Variants in SBF2 observed in about 807,000 individuals in gnomAD.
SBF2 encodes myotubularin-related protein 13.
A neutral mutation model predicts 225.2 loss-of-function variants in SBF2; 112 were observed. The observed-to-expected ratio is 0.50, with a 90% CI of 0.43 to 0.58. SBF2 has a LOEUF of 0.58. Ranked by LOEUF, SBF2 falls within the 20% of genes least tolerant of loss-of-function variation. The pLI is 0.00. For missense variants in SBF2, 1,996 were observed against 2,206.2 expected (o/e 0.90, Z 1.91); for synonymous variants, 763 against 773.3 (o/e 0.99, Z 0.22).
chr11:9,931,488 G>C (rs762992072), intron 16 of SBF2, among the ~76,000 whole-genome samples: 9 of 152,134 alleles, frequency 5.9e-5, no homozygotes, highest in Non-Finnish European at 1.3e-4. Context: ...AGGCAAACAG[G>C]GTCTGGAGTG....
chr11:10,120,463 T>C (rs149284644), intron 2 of SBF2, among the ~76,000 whole-genome samples: 351 of 152,316 alleles, frequency 2.3e-3, no homozygotes, highest in African/African-American at 7.5e-3. Flanking sequence ...TGTTGAATCA[T>C]TCAGTAAATA....
chr11:10,221,121 C>CT (rs58196333), intron 1 of SBF2, among the ~76,000 whole-genome samples: 2,479 of 138,636 alleles, frequency 0.018, 29 homozygotes, highest in African/African-American at 0.023. Flanking sequence ...CTGTTACTTC[C>CT]TTTTTTTTTT....
chr11:10,232,434 C>T (rs919252315), intron 1 of SBF2, among the ~76,000 whole-genome samples: 7 of 152,148 alleles, frequency 4.6e-5, no homozygotes, highest in South Asian at 2.1e-4. Context: ...TGTTCCTATT[C>T]GGCCATCTTG....
At chr11:10,145,639 C>G (rs1189077622) in intron 2 of SBF2, among the ~76,000 whole-genome samples, 1 of 152,160 alleles carries the variant, frequency 6.6e-6, no homozygotes, top group African/African-American at 2.4e-5. Flanking sequence ...ATTATCATCA[C>G]AGGACTTAAT....
Position 9,844,973 on chromosome 11 carries a change from CAT to C in SBF2, c.3110+590_3110+591del, listed in dbSNP as rs555204197. Among the ~76,000 whole-genome samples the C allele has an allele frequency of 4.6e-5, 7 of 151,960 alleles. No homozygotes were observed. The East Asian group carries it at 1.4e-3, about 29-fold the overall frequency. On this transcript the variant is annotated intron_variant, in intron 24 of 39. Coordinates refer to ENST00000256190, the MANE Select transcript of SBF2 (RefSeq NM_030962.4). ...AGATAATGTCTTTGTTCTTAGGAAA[CAT>C]ATTGTGATGTACTTAAGGATAAAGG...
chr11:9,846,778 G>A (rs555271778), intron 23 of SBF2, among the ~76,000 whole-genome samples, 178 bp downstream of exon 23: 83 of 152,218 alleles, frequency 5.5e-4, no homozygotes, highest in African/African-American at 1.9e-3. Flanking sequence ...GGGCTCCAGG[G>A]ATTAAATCCA....
At chr11:9,971,635 C>T (rs1867338129) in intron 13 of SBF2, among the ~76,000 whole-genome samples, 2 of 152,094 alleles carry the variant, frequency 1.3e-5, no homozygotes, top group African/African-American at 2.4e-5. Context: ...GCTGTGATTG[C>T]ACCACCACAC....
intron 28 of SBF2, among the ~76,000 whole-genome samples, chr11:9,823,221 C>T (rs143001388): frequency 6.6e-5 from 10 of 152,222 alleles, no homozygotes; most frequent in Non-Finnish European, 1.0e-4. Context: ...ACAATGTGAT[C>T]TATTCACTTC....
intron 1 of SBF2, among the ~76,000 whole-genome samples, chr11:10,225,878 C>A (rs945943523): frequency 2.0e-5 from 3 of 152,046 alleles, no homozygotes; most frequent in African/African-American, 2.4e-5. Context: ...CACTCATATA[C>A]CCCACAGTTT....
chr11:10,248,818 G>A (rs555514010), intron 1 of SBF2, among the ~76,000 whole-genome samples: 83 of 152,300 alleles, frequency 5.4e-4, no homozygotes, highest in Non-Finnish European at 8.8e-4. Flanking sequence ...ATTCTAGGCC[G>A]GGCGCGGAGG....
chr11:9,872,674 A>T (rs1323958607), intron 17 of SBF2, among the ~76,000 whole-genome samples: 1 of 151,606 alleles, frequency 6.6e-6, no homozygotes, highest in Non-Finnish European at 1.5e-5. Context: ...AGGAACTGGA[A>T]CTCTCATACA....
intron 2 of SBF2, among the ~76,000 whole-genome samples, chr11:10,132,645 G>A (rs1005387809): frequency 6.7e-6 from 1 of 149,076 alleles, no homozygotes; most frequent in African/African-American, 2.5e-5. Flanking sequence ...TAAAAGCAGT[G>A]TGGACCCAAA....
chr11:9,794,368 G>T (rs976576908), intron 33 of SBF2, among the ~76,000 whole-genome samples: 3 of 152,026 alleles, frequency 2.0e-5, no homozygotes, highest in Admixed American at 2.0e-4. Context: ...TGTAGGTACA[G>T]GTCAGTCCAC....
chr11:10,077,722 G>A (rs571800312), intron 2 of SBF2, among the ~76,000 whole-genome samples: 4 of 152,268 alleles, frequency 2.6e-5, no homozygotes, highest in South Asian at 4.1e-4. Context: ...TAGCACATAG[G>A]CATGGGCAAA....
chr11:10,161,904 G>C (rs899246114), intron 2 of SBF2, among the ~76,000 whole-genome samples: 1 of 152,114 alleles, frequency 6.6e-6, no homozygotes, highest in Admixed American at 6.5e-5. Flanking sequence ...AAGAGTGCTT[G>C]AGCCCAAAAG....
chr11:9,835,944 CAT>C (rs1020159958), intron 26 of SBF2, among the ~76,000 whole-genome samples: 2 of 151,900 alleles, frequency 1.3e-5, no homozygotes, highest in Non-Finnish European at 2.9e-5. Context: ...TTTGGGAGCA[CAT>C]ATGTATTTCT....
intron 2 of SBF2, among the ~76,000 whole-genome samples, chr11:10,076,783 T>C (rs899575789): frequency 1.3e-5 from 2 of 152,152 alleles, no homozygotes; most frequent in African/African-American, 2.4e-5. Flanking sequence ...GTTGCTCTGC[T>C]CCTCCCTCGA....
At chr11:10,189,299 G>A (rs1267051169) in intron 2 of SBF2, among the ~76,000 whole-genome samples, 2 of 152,090 alleles carry the variant, frequency 1.3e-5, no homozygotes, top group Non-Finnish European at 2.9e-5. Context: ...TGTGAACCCT[G>A]ATTCTGTCAT....
chr11:9,819,342 G>T (rs1223466794), intron 28 of SBF2: 1 of 152,146 alleles, frequency 6.6e-6, no homozygotes, highest in Non-Finnish European at 1.5e-5. Flanking sequence ...GAAATAAAAT[G>T]TATATAGCAG....
Sources: allele counts gnomAD v4.1 joint callset (sites outside exome capture counted in the v4.1 genomes callset), GRCh38; gene constraint gnomAD v4.1.1; transcripts MANE v1.5; gene names NCBI Gene and HGNC (gene_info 2026-07-23, HGNC 2026-07-21).